The following DAB1 variants were observed in gnomAD, a reference collection of about 807,000 sequenced individuals.
The protein encoded by DAB1 is DAB adaptor protein 1.
DAB1 carries 15 observed loss-of-function variants against 64.6 expected under a neutral mutation model. The ratio of observed to expected loss-of-function variants is 0.23; its 90% confidence interval spans 0.16 to 0.36. DAB1 has a LOEUF of 0.36. Ranked by LOEUF, DAB1 falls within the 10% of genes least tolerant of loss-of-function variation. The pLI is 1.00. For missense variants in DAB1, 596 were observed against 706.7 expected (o/e 0.84, Z 1.78); for synonymous variants, 235 against 251.9 (o/e 0.93, Z 0.64).
At chr1:58,429,163 T>C (rs1360608472) in intron 3 of DAB1, among the ~76,000 whole-genome samples, 1 of 152,146 alleles carries the variant, frequency 6.6e-6, no homozygotes, top group African/African-American at 2.4e-5. Context: ...TCCAGCACTT[T>C]GGGGGGCCAA....
At chr1:58,151,579 CAAGA>C (rs1453168187) in intron 4 of DAB1, among the ~76,000 whole-genome samples, 1 of 152,274 alleles carries the variant, frequency 6.6e-6, no homozygotes, top group Admixed American at 6.5e-5. Flanking sequence ...AATTTGTAAA[CAAGA>C]AAATGAAATT....
chr1:58,105,658 C>A (rs151147820), intron 5 of DAB1, among the ~76,000 whole-genome samples: 34 of 152,290 alleles, frequency 2.2e-4, no homozygotes, highest in African/African-American at 6.3e-4. Flanking sequence ...TAAAATGTTG[C>A]ACAAATTCAC....
chr1:57,565,535 C>T (rs1283895550), intron 7 of DAB1, among the ~76,000 whole-genome samples: 2 of 152,036 alleles, frequency 1.3e-5, no homozygotes, highest in Non-Finnish European at 2.9e-5. Context: ...ACCCATCTCA[C>T]GTGCAGAGAC....
At chr1:58,337,574 CTACTTAT>C (rs1406552280) in intron 4 of DAB1, among the ~76,000 whole-genome samples, 5 of 152,114 alleles carry the variant, frequency 3.3e-5, no homozygotes, top group African/African-American at 4.8e-5. Flanking sequence ...CTTGGGTAAA[CTACTTAT>C]GTTTTCTTGA....
chr1:58,112,160 T>C (rs546968389), intron 5 of DAB1, among the ~76,000 whole-genome samples: 2 of 152,302 alleles, frequency 1.3e-5, no homozygotes, highest in East Asian at 3.9e-4. Context: ...AAGAAGCCTG[T>C]CCCTGACCAC....
chr1:57,912,681 T>C (rs1459182005), intron 5 of DAB1, among the ~76,000 whole-genome samples: 2 of 152,184 alleles, frequency 1.3e-5, no homozygotes, highest in Non-Finnish European at 2.9e-5. Context: ...CATGATTGTA[T>C]ATCTAGAAAG....
chr1:57,207,776 T>A (rs1665707586), intron 2 of DAB1, among the ~76,000 whole-genome samples: 1 of 152,138 alleles, frequency 6.6e-6, no homozygotes, highest in Non-Finnish European at 1.5e-5. Context: ...CTCAACTGCC[T>A]CTCTAGATAG....
At chr1:57,811,288 T>A (rs1651608212) in intron 6 of DAB1, among the ~76,000 whole-genome samples, 1 of 152,230 alleles carries the variant, frequency 6.6e-6, no homozygotes, top group Non-Finnish European at 1.5e-5. Flanking sequence ...GGTGATTAGA[T>A]CACGGGGGTG....
chr1:57,253,031 C>T (rs896292121), intron 2 of DAB1, among the ~76,000 whole-genome samples: 1 of 152,122 alleles, frequency 6.6e-6, no homozygotes, highest in Non-Finnish European at 1.5e-5. Flanking sequence ...AAGTTGGCAT[C>T]GCTCTTTCAT....
intron 2 of DAB1, among the ~76,000 whole-genome samples, chr1:57,186,320 C>G (rs991833365): frequency 1.3e-5 from 2 of 152,180 alleles, no homozygotes; most frequent in African/African-American, 4.8e-5. Context: ...TTGTGTCCAG[C>G]TCTCCACCAC....
At chr1:57,526,485 G>T (rs1407217129) in intron 7 of DAB1, among the ~76,000 whole-genome samples, 1 of 152,102 alleles carries the variant, frequency 6.6e-6, no homozygotes, top group Non-Finnish European at 1.5e-5. Flanking sequence ...AAGGTCTATG[G>T]TTCATCTAAT....
At position 57,164,617 on chromosome 1, in the gene DAB1, T is replaced by A. The variant is rs892359619; in HGVS notation, c.68-19188A>T. 4.6e-5 allele frequency among the ~76,000 whole-genome samples: 7 copies of A among 152,110 alleles called. No individual in the cohort carries two copies. In the South Asian group the frequency reaches 6.2e-4, roughly 14 times the overall value. On this transcript the variant is annotated intron_variant, in intron 2 of 14. Transcript: ENST00000371236. ...AGTGACCAGCATCGTAACATGTAAA[T>A]GTAGAATTCTGAGTAGTCATCTTTT...
chr1:58,459,057 G>A (rs1465069863), intron 3 of DAB1, among the ~76,000 whole-genome samples: 2 of 152,210 alleles, frequency 1.3e-5, no homozygotes, highest in Non-Finnish European at 2.9e-5. Flanking sequence ...AGAAAGCTGA[G>A]TGTAAGATAG....
chr1:57,106,802 T>G (rs1655201422), intron 4 of DAB1, among the ~76,000 whole-genome samples: 1 of 152,116 alleles, frequency 6.6e-6, no homozygotes, highest in Non-Finnish European at 1.5e-5. Context: ...AGATAAATCA[T>G]ACCCTGTGCT....
intron 3 of DAB1, among the ~76,000 whole-genome samples, chr1:58,461,427 G>C (rs980788344): frequency 1.3e-5 from 2 of 152,154 alleles, no homozygotes; most frequent in Non-Finnish European, 2.9e-5. Context: ...TAAGGAAAAG[G>C]CAGGGGTAGC....
At chr1:58,013,740 A>G (rs1210025068) in intron 5 of DAB1, among the ~76,000 whole-genome samples, 1 of 152,200 alleles carries the variant, frequency 6.6e-6, no homozygotes, top group African/African-American at 2.4e-5. Flanking sequence ...ACACCAGCTC[A>G]AGAGAGTCAG....
At chr1:57,446,466 A>G (rs1250790970) in intron 7 of DAB1, among the ~76,000 whole-genome samples, 1 of 152,026 alleles carries the variant, frequency 6.6e-6, no homozygotes, top group African/African-American at 2.4e-5. Context: ...GCTTGGTGGC[A>G]CATGCCTATA....
intron 7 of DAB1, among the ~76,000 whole-genome samples, chr1:57,445,099 G>T (rs556691051): frequency 6.6e-6 from 1 of 152,114 alleles, no homozygotes; most frequent in Admixed American, 6.5e-5. Context: ...ACAAAAATAA[G>T]CATTTAAAAA....
chr1:57,111,141 C>T (rs1655621007), intron 4 of DAB1, among the ~76,000 whole-genome samples: 1 of 151,752 alleles, frequency 6.6e-6, no homozygotes, highest in Admixed American at 6.6e-5. Context: ...GATGGGTGGG[C>T]CTTGGATGGC....
Sources: gnomAD v4.1 joint callset for allele counts (sites outside exome capture counted in the v4.1 genomes callset) on GRCh38, gnomAD v4.1.1 for gene constraint, MANE v1.5 for transcripts, NCBI Gene and HGNC (gene_info 2026-07-23, HGNC 2026-07-21) for gene names.